HMCN1: variants seen among roughly 807,000 people sequenced by gnomAD.
HMCN1 encodes hemicentin 1, also known as hemicentin-1.
A neutral mutation model predicts 625.9 loss-of-function variants in HMCN1; 321 were observed. That is an observed-to-expected ratio of 0.51 (90% CI 0.47 to 0.56). The LOEUF (loss-of-function observed/expected upper bound fraction) is 0.56, where lower values mean the gene tolerates loss of function less well. Among genes scored for constraint, HMCN1 ranks in the 20% least tolerant of loss-of-function variants. HMCN1 has a pLI of 0.00. For synonymous variants in HMCN1, 2,425 were observed against 2,417.6 expected, an observed-to-expected ratio of 1.00 and a Z score of -0.09; for missense variants, 6,588 against 6,887.3, an observed-to-expected ratio of 0.96 and a Z score of 1.54.
intron 104 of HMCN1, among the ~76,000 whole-genome samples, chr1:186,180,746 T>C (rs1270007953): frequency 6.6e-6 from 1 of 152,202 alleles, no homozygotes. Context: ...AATTTATAGC[T>C]AGTCCATTAC....
intron 2 of HMCN1, among the ~76,000 whole-genome samples, chr1:185,859,022 T>A (rs1487724455): frequency 3.3e-4 from 1 of 3,074 alleles, no homozygotes; most frequent in Non-Finnish European, 5.2e-4. Flanking sequence ...GTTAAAGATG[T>A]GTGTGTGTGT....
intron 4 of HMCN1, among the ~76,000 whole-genome samples, chr1:185,889,413 T>C (rs1026493311): frequency 6.8e-6 from 1 of 147,636 alleles, no homozygotes; most frequent in Admixed American, 6.6e-5. Context: ...TGCTTCCAGT[T>C]TTTGTCCATT....
chr1:186,117,776 T>G (rs541862967), intron 77 of HMCN1, among the ~76,000 whole-genome samples, 153 bp downstream of exon 77: 1 of 152,326 alleles, frequency 6.6e-6, no homozygotes, highest in East Asian at 1.9e-4. Flanking sequence ...AAACATATTT[T>G]TAACATAGAA....
chr1:185,900,048 A>G (rs1479637729), intron 4 of HMCN1, among the ~76,000 whole-genome samples: 4 of 151,972 alleles, frequency 2.6e-5, no homozygotes, highest in South Asian at 4.2e-4. Flanking sequence ...CTCTTCCTCA[A>G]CATGTTGAAA....
chr1:185,899,247 A>G (rs1237476650), intron 4 of HMCN1, among the ~76,000 whole-genome samples: 1 of 152,146 alleles, frequency 6.6e-6, no homozygotes, highest in Non-Finnish European at 1.5e-5. Flanking sequence ...ACACAAGCAT[A>G]GCTATGGGTG....
chr1:186,139,967 G>A (rs1649848212), intron 89 of HMCN1, among the ~76,000 whole-genome samples: 1 of 151,994 alleles, frequency 6.6e-6, no homozygotes. Context: ...CTTTAGTACA[G>A]TTCATTTCTA....
chr1:185,997,840 A>C (rs986250589), intron 25 of HMCN1, among the ~76,000 whole-genome samples: 1 of 134,256 alleles, frequency 7.4e-6, no homozygotes, highest in Admixed American at 7.6e-5. Flanking sequence ...TTTTGTCTTT[A>C]CAATGTGATA....
In HMCN1 at chr1:185,876,223, G is replaced by A. The variant is rs138555730; in HGVS notation, c.621+10360G>A. Among the ~76,000 whole-genome samples the A allele has an allele frequency of 2.0e-3, 304 of 152,090 alleles. 2 individuals carry two copies. The highest frequency in any genetic ancestry group is 4.9e-4 in the Non-Finnish European group (33 of 67,948). ...GATAATGGCCTCCAGCTCCCTCCAC[G>A]TTGCTGCAGATGACATGATTTCACT... On this transcript the variant is annotated intron_variant, in intron 4 of 106. Coordinates refer to ENST00000271588, the MANE Select transcript of HMCN1 (RefSeq NM_031935.3).
chr1:186,176,909 C>T (rs969111112), intron 103 of HMCN1: 1 of 152,940 alleles, frequency 6.5e-6, no homozygotes, highest in Admixed American at 6.5e-5. Context: ...TGGCTCACGC[C>T]TGTAATCCCA....
At chr1:186,006,539 A>G (rs1653645541) in intron 29 of HMCN1, among the ~76,000 whole-genome samples, 1 of 152,072 alleles carries the variant, frequency 6.6e-6, no homozygotes, top group East Asian at 1.9e-4. Context: ...ACAATCATAT[A>G]CGAGCTTCTT....
intron 36 of HMCN1, among the ~76,000 whole-genome samples, chr1:186,032,291 A>G (rs1186921764): frequency 1.3e-5 from 2 of 152,124 alleles, no homozygotes; most frequent in Non-Finnish European, 2.9e-5. Context: ...CAAGCAGCCA[A>G]CCTAATATAT....
intron 97 of HMCN1, among the ~76,000 whole-genome samples, chr1:186,164,240 C>CTTT (rs57317105): frequency 1.5e-5 from 2 of 131,548 alleles, no homozygotes; most frequent in Admixed American, 7.4e-5. Flanking sequence ...TAACTTAAAT[C>CTTT]TTTTTTTTTT....
At chr1:185,882,228 T>C (rs944326268) in intron 4 of HMCN1, among the ~76,000 whole-genome samples, 3 of 152,182 alleles carry the variant, frequency 2.0e-5, no homozygotes, top group African/African-American at 7.2e-5. Flanking sequence ...CAGATACTCA[T>C]TGATTTATAT....
At position 186,003,775 on chromosome 1, in the gene HMCN1, G is replaced by A. The variant is rs776431171; in HGVS notation, c.4406G>A (p.Arg1469His). The change falls in exon 29 of 107, where the codon CGT (arginine) becomes CAT (histidine). Residue 1469 changes from arginine (R) to histidine (H), a missense_variant. Coordinates refer to ENST00000271588, the MANE Select transcript of HMCN1 (RefSeq NM_031935.3). ...AATGAAGTCTCAGTTGTCCTCAACCGTGACGTCGCCCTTGAATGCCAGGTC... is the reference window on the plus strand; with the variant it reads ...AATGAAGTCTCAGTTGTCCTCAACCATGACGTCGCCCTTGAATGCCAGGTC... ...FPNEVSVVLN[R>H]DVALECQVKG... The A allele has an allele frequency of 1.2e-5, 20 of 1,612,896 alleles. No homozygotes were observed. The East Asian group carries it at 1.3e-4, about 11-fold the overall frequency.
At chr1:186,156,234 G>T (rs1651010864) in intron 97 of HMCN1, among the ~76,000 whole-genome samples, 1 of 151,822 alleles carries the variant, frequency 6.6e-6, no homozygotes, top group African/African-American at 2.4e-5. Context: ...ACTTCTTCAT[G>T]GGAAGGAAAA....
chr1:185,752,471 G>T (rs375878869), intron 1 of HMCN1, among the ~76,000 whole-genome samples: 9 of 152,022 alleles, frequency 5.9e-5, no homozygotes, highest in Non-Finnish European at 1.0e-4. Flanking sequence ...TATTTTGGGC[G>T]TTGGAATATT....
At chr1:186,132,188 A>T (rs1220823134) in intron 85 of HMCN1, 140 bp from the exon 86 acceptor site, 2 of 706,718 alleles carry the variant, frequency 2.8e-6, no homozygotes, top group Admixed American at 4.1e-5. Context: ...TTAAGAGGTT[A>T]GACATATGTA....
intron 67 of HMCN1, 121 bp from the exon 68 acceptor site, chr1:186,095,121 AT>A: frequency 1.0e-6 from 1 of 969,770 alleles, no homozygotes; most frequent in Non-Finnish European, 1.6e-6. Context: ...ATTATACACA[AT>A]TTTAAAGTAT....
intron 104 of HMCN1, among the ~76,000 whole-genome samples, chr1:186,180,501 C>G (rs1463375222): frequency 6.6e-6 from 1 of 152,154 alleles, no homozygotes; most frequent in African/African-American, 2.4e-5. Flanking sequence ...TCCAAATTAT[C>G]AGAAGGTCCA....
Sources: gnomAD v4.1 joint callset for allele counts (sites outside exome capture counted in the v4.1 genomes callset) on GRCh38, gnomAD v4.1.1 for gene constraint, MANE v1.5 for transcripts, NCBI Gene and HGNC (gene_info 2026-07-23, HGNC 2026-07-21) for gene names.